NAV3: variants seen among roughly 807,000 people sequenced by gnomAD.
NAV3 encodes pore membrane and/or filament interacting like protein 1.
A neutral mutation model predicts 244.7 loss-of-function variants in NAV3; 87 were observed. The ratio of observed to expected loss-of-function variants is 0.36; its 90% CI spans 0.30 to 0.42. The LOEUF (loss-of-function observed/expected upper bound fraction) is 0.42. Ranked by LOEUF, NAV3 falls within the 20% of genes least tolerant of loss-of-function variation. The probability of loss-of-function intolerance (pLI) is 1.00; values close to 1 mark genes in which losing one functional copy is unlikely to be tolerated. For synonymous variants in NAV3, 1,126 were observed against 1,042.2 expected, an observed-to-expected ratio of 1.08 and a Z score of -1.55; for missense variants, 2,663 against 2,893.3, an observed-to-expected ratio of 0.92 and a Z score of 1.83.
intron 1 of NAV3, among the ~76,000 whole-genome samples, chr12:77,839,287 A>G (rs1006044613): frequency 2.0e-5 from 3 of 152,342 alleles, no homozygotes; most frequent in Admixed American, 2.0e-4. Context: ...CTTAAATCAT[A>G]GTAATAACAA....
At position 77,752,772 on chromosome 12, in the gene NAV3, C is replaced by CA. The variant is rs59707077; in HGVS notation, c.72+180507dup. On this transcript the variant is annotated intron_variant, in intron 2 of 8. Coordinates refer to the NAV3 transcript ENST00000550042. The stretch of plus-strand genomic sequence containing the variant: ...GCAAGCGACTGAATACAGTGACTGA[C>CA]AGAGTATCATGCTCCTCTTCCTCCT... Among the ~76,000 whole-genome samples the CA allele has an allele frequency of 5.4e-3, 815 of 152,258 alleles. 11 individuals carry two copies. The highest frequency in any genetic ancestry group is 0.017 in the African/African-American group (717 of 41,552).
At chr12:77,962,658 T>G (rs1317951904) in intron 3 of NAV3, among the ~76,000 whole-genome samples, 1 of 152,074 alleles carries the variant, frequency 6.6e-6, no homozygotes, top group Admixed American at 6.6e-5. Context: ...AAAGAGGCAA[T>G]GTAGGCATGG....
At chr12:77,889,585 T>C (rs1883698138) in intron 1 of NAV3, among the ~76,000 whole-genome samples, 1 of 152,228 alleles carries the variant, frequency 6.6e-6, no homozygotes, top group Non-Finnish European at 1.5e-5. Flanking sequence ...TACTTTGCAA[T>C]GATTCATGTT....
At chr12:77,949,521 T>C (rs1890676176) in intron 3 of NAV3, among the ~76,000 whole-genome samples, 1 of 151,936 alleles carries the variant, frequency 6.6e-6, no homozygotes, top group Non-Finnish European at 1.5e-5. Context: ...TTCCTCCCCC[T>C]CTTTATTTTT....
At chr12:77,986,198 C>A (rs937913789) in intron 5 of NAV3, among the ~76,000 whole-genome samples, 2 of 152,096 alleles carry the variant, frequency 1.3e-5, no homozygotes, top group Non-Finnish European at 2.9e-5. Context: ...CCCATCTCTA[C>A]TAAAAATACA....
chr12:77,883,247 G>T (rs1009979892), intron 1 of NAV3, among the ~76,000 whole-genome samples: 1 of 152,088 alleles, frequency 6.6e-6, no homozygotes, highest in Non-Finnish European at 1.5e-5. Flanking sequence ...ATACACTGTG[G>T]AATACTATGC....
chr12:77,995,123 G>A (rs1007200406), intron 6 of NAV3, among the ~76,000 whole-genome samples: 2 of 151,948 alleles, frequency 1.3e-5, no homozygotes, highest in African/African-American at 4.8e-5. Flanking sequence ...CTAGGTTCTA[G>A]GTTTAGAATC....
chr12:77,655,004 G>T (rs567379588), intron 2 of NAV3, among the ~76,000 whole-genome samples: 1 of 151,852 alleles, frequency 6.6e-6, no homozygotes, highest in East Asian at 1.9e-4. Context: ...CCACAAAGAT[G>T]GGGAAAAAAC....
chr12:77,715,584 C>T (rs2137270301), intron 2 of NAV3, among the ~76,000 whole-genome samples: 1 of 151,870 alleles, frequency 6.6e-6, no homozygotes, highest in African/African-American at 2.4e-5. Context: ...AAGATATTAT[C>T]AGTGAAATGA....
rs2137993823 is a variant in NAV3, at chr12:77,968,654, C to T, written c.623C>T (p.Pro208Leu). 6.2e-7 allele frequency: 1 copy of T among 1,614,092 alleles called. No individual in the cohort carries two copies. Among genetic ancestry groups the T allele is most frequent in the South Asian group, 1.1e-5 (1 of 91,072 alleles). Residue 208 changes from proline to leucine, a missense_variant, in exon 5 of 40, where the codon CCT becomes CTT. This residue lies in a region of NAV3 where 1,521 missense variants were observed against 1,497.0 expected (regional missense o/e 1.02). Coordinates refer to ENST00000397909, the MANE Select transcript of NAV3 (RefSeq NM_001024383.2). ...ELQQRVTHAS[P>L]PSEASQAKTQ... Reference sequence around the variant, plus strand: ...CAGCAGCGAGTTACTCACGCTTCCCCTCCATCGGAAGCCAGCCAGGCCAAA... The same window carrying T: ...CAGCAGCGAGTTACTCACGCTTCCCTTCCATCGGAAGCCAGCCAGGCCAAA...
chr12:78,176,232 C>CAAA (rs3054757), intron 25 of NAV3, among the ~76,000 whole-genome samples: 7,299 of 146,942 alleles, frequency 0.05, 180 homozygotes, highest in Non-Finnish European at 0.072. Flanking sequence ...CTTTTAATAC[C>CAAA]AAAAAAAAAA....
rs75145904 is a variant in NAV3, at chr12:78,007,505, G to T, written c.1907+60G>T. 3.3e-6 allele frequency: 5 copies of T among 1,510,206 alleles called. No homozygotes were observed. The East Asian group carries it at 9.1e-5, about 27-fold the overall frequency. 93.6% of individuals were successfully genotyped at this position (1,510,206 alleles called of 1,614,324 possible). A position where few individuals can be genotyped will look rare whatever the true frequency, so the allele number is the denominator to read the frequency against. On this transcript the variant is annotated intron_variant, in intron 8 of 39. Coordinates refer to ENST00000397909, the MANE Select transcript of NAV3 (RefSeq NM_001024383.2). Reference sequence around the variant, plus strand: ...ATATTTACAGGCCTACATACTCAGAGTGTAATAGGGAAGGCTGATAAAGTG... The same window carrying T: ...ATATTTACAGGCCTACATACTCAGATTGTAATAGGGAAGGCTGATAAAGTG...
chr12:77,679,228 G>C (rs1874340355), intron 2 of NAV3, among the ~76,000 whole-genome samples: 1 of 152,062 alleles, frequency 6.6e-6, no homozygotes, highest in Admixed American at 6.6e-5. Context: ...TATCATAATA[G>C]TGCAAGAGGC....
intron 24 of NAV3, among the ~76,000 whole-genome samples, chr12:78,172,103 A>G (rs1043090144): frequency 6.6e-6 from 1 of 151,670 alleles, no homozygotes; most frequent in East Asian, 1.9e-4. Flanking sequence ...AATGTTTGTG[A>G]TAAGAAATTT....
chr12:77,594,764 G>T (rs1470641717), intron 2 of NAV3, among the ~76,000 whole-genome samples: 2 of 152,146 alleles, frequency 1.3e-5, no homozygotes, highest in African/African-American at 4.8e-5. Flanking sequence ...TTACTTCATA[G>T]AATTTGTAAA....
chr12:77,602,672 T>G (rs185446369), intron 2 of NAV3, among the ~76,000 whole-genome samples: 72 of 151,992 alleles, frequency 4.7e-4, no homozygotes, highest in Middle Eastern at 6.8e-3. Context: ...AGGATTCTCC[T>G]TCTAAGTTTT....
intron 2 of NAV3, among the ~76,000 whole-genome samples, chr12:77,668,011 C>T (rs1403895280): frequency 2.0e-5 from 3 of 152,184 alleles, no homozygotes; most frequent in East Asian, 1.9e-4. Context: ...CTGGTAGCTC[C>T]ACTGGGTGGC....
intron 2 of NAV3, among the ~76,000 whole-genome samples, chr12:77,689,992 A>C (rs1302278164): frequency 6.6e-6 from 1 of 151,738 alleles, no homozygotes; most frequent in Non-Finnish European, 1.5e-5. Flanking sequence ...TCCATTTTTC[A>C]TTCTGGAATG....
At chr12:78,167,856 T>C (rs185154159) in intron 23 of NAV3, among the ~76,000 whole-genome samples, 1 of 151,726 alleles carries the variant, frequency 6.6e-6, no homozygotes, top group East Asian at 1.9e-4. Context: ...ACTGAAACAA[T>C]TCTCAGTTCT....
Sources: allele counts gnomAD v4.1 joint callset (sites outside exome capture counted in the v4.1 genomes callset), GRCh38; gene constraint gnomAD v4.1.1; regional missense constraint gnomAD v4.1.1; transcripts MANE v1.5; gene names NCBI Gene and HGNC (gene_info 2026-07-23, HGNC 2026-07-21).